GARRE1: variants seen among roughly 807,000 people sequenced by gnomAD.
GARRE1 encodes the protein granule associated Rac and RHOG effector protein 1.
GARRE1 carries 49 observed loss-of-function variants against 103.2 expected under a neutral mutation model. The ratio of observed to expected loss-of-function variants is 0.47; its 90% CI spans 0.38 to 0.60. The LOEUF is 0.60. GARRE1 is among the 20% of genes least tolerant of loss of function. The pLI is 0.00. For synonymous variants in GARRE1, 505 were observed against 532.8 expected, an observed-to-expected ratio of 0.95 and a Z score of 0.72; for missense variants, 1,199 against 1,370.5, an observed-to-expected ratio of 0.87 and a Z score of 1.98.
intron 1 of GARRE1, among the ~76,000 whole-genome samples, chr19:34,277,862 A>T (rs899027199): frequency 1.3e-5 from 2 of 151,668 alleles, no homozygotes; most frequent in African/African-American, 4.8e-5. Context: ...TCAAAAAAAA[A>T]CTATATAAAC....
intron 8 of GARRE1, among the ~76,000 whole-genome samples, chr19:34,339,182 C>T (rs1489805625): frequency 6.6e-6 from 1 of 152,154 alleles, no homozygotes; most frequent in Non-Finnish European, 1.5e-5. Flanking sequence ...GTTAAGGGCT[C>T]AGCCCCACAA....
At chr19:34,352,123 G>T (rs898669361) in intron 13 of GARRE1, among the ~76,000 whole-genome samples, 1 of 151,790 alleles carries the variant, frequency 6.6e-6, no homozygotes, top group Non-Finnish European at 1.5e-5. Flanking sequence ...ACAATCAGCC[G>T]GGCGCAGTGG....
chr19:34,262,030 C>A (rs1368150231), intron 1 of GARRE1, among the ~76,000 whole-genome samples: 1 of 152,130 alleles, frequency 6.6e-6, no homozygotes, highest in African/African-American at 2.4e-5. Flanking sequence ...GTCACCCTGG[C>A]TGGAAGGCAG....
At chr19:34,263,284 A>G (rs952208274) in intron 1 of GARRE1, among the ~76,000 whole-genome samples, 2 of 151,874 alleles carry the variant, frequency 1.3e-5, no homozygotes, top group Non-Finnish European at 2.9e-5. Flanking sequence ...AGATAGATAG[A>G]TAGATAGATA....
In GARRE1 at chr19:34,332,327, C is replaced by T. The variant is rs73028305; in HGVS notation, c.1264-1377C>T. Among the ~76,000 whole-genome samples, 1,444 of 152,150 alleles carry T rather than the reference C, an allele frequency of 9.5e-3. 16 individuals carry two copies. Among genetic ancestry groups the T allele is most frequent in the Middle Eastern group, 0.027 (8 of 294 alleles). ...GAAGAGCCCATTGGCTTTAGTATAT[C>T]GATCCATATTCCCAGAGACCATTTA... On this transcript the variant is annotated intron_variant, in intron 7 of 13. Coordinates refer to ENST00000299505, the MANE Select transcript of GARRE1 (RefSeq NM_014686.5).
chr19:34,275,098 C>T (rs1024603582), intron 1 of GARRE1, among the ~76,000 whole-genome samples: 1 of 151,500 alleles, frequency 6.6e-6, no homozygotes, highest in African/African-American at 2.4e-5. Context: ...CCTGTAGTGT[C>T]TCCACATTAT....
chr19:34,294,743 C>T (rs1197230414), intron 1 of GARRE1, among the ~76,000 whole-genome samples: 3 of 152,064 alleles, frequency 2.0e-5, no homozygotes, highest in Non-Finnish European at 2.9e-5. Flanking sequence ...CTCTCTCTGT[C>T]GCCCAGGCTG....
At chr19:34,281,049 T>C (rs1023798185) in intron 1 of GARRE1, among the ~76,000 whole-genome samples, 3 of 152,152 alleles carry the variant, frequency 2.0e-5, no homozygotes, top group Non-Finnish European at 4.4e-5. Context: ...GATTTTTATA[T>C]CTTTGATTTT....
chr19:34,327,276 A>G, intron 3 of GARRE1, 145 bp from the exon 4 acceptor site: 1 of 673,358 alleles, frequency 1.5e-6, no homozygotes, highest in Non-Finnish European at 2.3e-6. Flanking sequence ...CAATACAAAC[A>G]ATCTAGAACT....
intron 1 of GARRE1, among the ~76,000 whole-genome samples, chr19:34,291,278 GCA>G (rs1471132396): frequency 6.6e-6 from 1 of 152,206 alleles, no homozygotes; most frequent in East Asian, 1.9e-4. Context: ...GGAACCACGT[GCA>G]CACTTTTCTG....
At chr19:34,301,758 C>T (rs971520938) in intron 2 of GARRE1, among the ~76,000 whole-genome samples, 8 of 150,676 alleles carry the variant, frequency 5.3e-5, no homozygotes, top group East Asian at 3.9e-4. Flanking sequence ...TCTCGGCTCA[C>T]TGCAAGGTCC....
intron 1 of GARRE1, among the ~76,000 whole-genome samples, chr19:34,271,493 C>T (rs1423050224): frequency 6.6e-6 from 1 of 151,960 alleles, no homozygotes; most frequent in Admixed American, 6.6e-5. Flanking sequence ...CGTCATCCAC[C>T]CGCCTCGGCC....
chr19:34,280,005 A>G (rs1232398340), intron 1 of GARRE1, among the ~76,000 whole-genome samples: 1 of 151,614 alleles, frequency 6.6e-6, no homozygotes, highest in Non-Finnish European at 1.5e-5. Flanking sequence ...AAAAAAAAAA[A>G]AAGTGGTTTA....
chr19:34,271,589 G>A (rs931675867), intron 1 of GARRE1, among the ~76,000 whole-genome samples: 3 of 152,098 alleles, frequency 2.0e-5, no homozygotes, highest in East Asian at 1.9e-4. Context: ...AGCTGGGCGC[G>A]GTGGCTCATG....
intron 7 of GARRE1, among the ~76,000 whole-genome samples, chr19:34,330,774 T>C (rs1327949757): frequency 2.7e-5 from 4 of 148,458 alleles, no homozygotes; most frequent in Non-Finnish European, 5.9e-5. Flanking sequence ...GACAGACTCT[T>C]GCTCTGTCGC....
At position 34,337,831 on chromosome 19, in the gene GARRE1, A is replaced by G. The variant is rs546263772; in HGVS notation, c.1362-2036A>G. Among the ~76,000 whole-genome samples, 9 of 152,334 alleles carry G rather than the reference A, an allele frequency of 5.9e-5. No individual in the cohort carries two copies. The South Asian group carries it at 1.9e-3, about 32-fold the overall frequency. ...AGTACTCTTTTCTACATGGCCAACAAATGCTCTCCTAGTGGGCAAACATGT... is the reference window on the plus strand; with the variant it reads ...AGTACTCTTTTCTACATGGCCAACAGATGCTCTCCTAGTGGGCAAACATGT... On this transcript the variant is annotated intron_variant, in intron 8 of 13. Coordinates refer to ENST00000299505, the MANE Select transcript of GARRE1 (RefSeq NM_014686.5).
At chr19:34,332,328 G>T (rs11879050) in intron 7 of GARRE1, among the ~76,000 whole-genome samples, 14,783 of 152,002 alleles carry the variant, frequency 0.097, 1,141 homozygotes, top group African/African-American at 0.21. Context: ...TTAGTATATC[G>T]ATCCATATTC....
At chr19:34,284,067 T>A (rs981273199) in intron 1 of GARRE1, among the ~76,000 whole-genome samples, 2 of 150,758 alleles carry the variant, frequency 1.3e-5, no homozygotes, top group Admixed American at 1.3e-4. Context: ...CCTGACCTCG[T>A]GATCCGCCCG....
At chr19:34,302,652 T>A (rs1004159286) in intron 2 of GARRE1, among the ~76,000 whole-genome samples, 1 of 151,926 alleles carries the variant, frequency 6.6e-6, no homozygotes, top group Non-Finnish European at 1.5e-5. Context: ...GTTTATAGAA[T>A]AATTTTTCCA....
Sources: gnomAD v4.1 joint callset for allele counts (sites outside exome capture counted in the v4.1 genomes callset) on GRCh38, gnomAD v4.1.1 for gene constraint, MANE v1.5 for transcripts, NCBI Gene and HGNC (gene_info 2026-07-23, HGNC 2026-07-21) for gene names.